The following CROCC2 variants were observed in gnomAD, a reference collection of about 807,000 sequenced individuals.
The protein encoded by CROCC2 is ciliary rootlet coiled-coil, rootletin family member 2, also known as ciliary rootlet coiled-coil protein 2.
In CROCC2, 163 loss-of-function variants were observed where a neutral mutation model predicts 177.6. That is an observed-to-expected ratio of 0.92 (90% CI 0.81 to 1.05). The LOEUF is 1.05. Ranked by LOEUF, CROCC2 falls within the 50% of genes least tolerant of loss-of-function variation. The pLI, the probability that CROCC2 is intolerant of heterozygous loss-of-function variation, is 0.00. For missense variants in CROCC2, 1,929 were observed against 1,797.8 expected (o/e 1.07, Z -1.32); for synonymous variants, 904 against 787.3 (o/e 1.15, Z -2.48).
chr2:240,914,783 C>T (rs574304444), intron 1 of CROCC2, among the ~76,000 whole-genome samples: 2 of 152,272 alleles, frequency 1.3e-5, no homozygotes, highest in East Asian at 1.9e-4. Flanking sequence ...GACGGGACGA[C>T]GGGGTGGTGG....
At chr2:240,947,520 G>A (rs1387143301) in intron 15 of CROCC2, among the ~76,000 whole-genome samples, 1 of 152,250 alleles carries the variant, frequency 6.6e-6, no homozygotes, top group Non-Finnish European at 1.5e-5. Context: ...TGGTGACAGA[G>A]GGGCTTGACC....
chr2:240,956,399 C>T (rs2059590569), intron 19 of CROCC2: 1 of 178,562 alleles, frequency 5.6e-6, no homozygotes, highest in South Asian at 1.5e-4. Context: ...GAGAAACAAC[C>T]CGAGGCGGCT....
chr2:240,986,264 G>A (rs1039421618), intron 28 of CROCC2, among the ~76,000 whole-genome samples: 1 of 152,162 alleles, frequency 6.6e-6, no homozygotes, highest in Non-Finnish European at 1.5e-5. Flanking sequence ...CAGAGTCCCC[G>A]CGGAAGCTGT....
chr2:240,962,431 G>A (rs1420069297), intron 20 of CROCC2, among the ~76,000 whole-genome samples: 5 of 152,098 alleles, frequency 3.3e-5, no homozygotes, highest in African/African-American at 1.2e-4. Flanking sequence ...TTCTGGGCGG[G>A]TTTCTGCTGA....
intron 4 of CROCC2, among the ~76,000 whole-genome samples, chr2:240,924,426 A>G (rs1228373785): frequency 6.0e-3 from 6 of 996 alleles, no homozygotes; most frequent in South Asian, 0.056. Context: ...ACACTAACCC[A>G]GCCCCCACAC....
intron 28 of CROCC2, chr2:240,985,758 CACACACACCCAGGCACTCAG>C: frequency 1.2e-5 from 4 of 321,602 alleles, no homozygotes; most frequent in South Asian, 6.9e-5. Flanking sequence ...GCACTCACTC[CACACACACCCAGGCACTCAG>C]CACACACCCA....
rs2059824422 is a variant in CROCC2 at position 240,984,620 on chromosome 2, T to TCCA, written c.4551+1593_4551+1595dup. On this transcript the variant is annotated intron_variant, in intron 28 of 31. Transcript: ENST00000690015. ...ACTCCACACACACCCAGGCACTCAC[T>TCCA]CCACACACACACCCAGGCACTCACT... is the stretch of plus-strand genomic sequence containing the variant. Among the ~76,000 whole-genome samples, 6 of 72,620 alleles carry TCCA rather than the reference T, an allele frequency of 8.3e-5. No homozygotes were observed. In the South Asian group the frequency reaches 3.1e-3, roughly 38 times the overall value. The allele number at this position is 72,620 out of a possible 152,430, so 47.6% of individuals were successfully genotyped here. A position where few individuals can be genotyped will look rare whatever the true frequency, so the allele number is the denominator to read the frequency against.
chr2:240,981,060 TG>T (rs2059794882), intron 27 of CROCC2, among the ~76,000 whole-genome samples: 1 of 115,280 alleles, frequency 8.7e-6, no homozygotes, highest in African/African-American at 3.9e-5. Context: ...GCTCAGTCTC[TG>T]GGTCAGGAGC....
rs1203366379 is a variant in CROCC2 at position 240,972,141 on chromosome 2, C to G, written c.4401+3879C>G. Among the ~76,000 whole-genome samples, 1 of 152,176 alleles carries G rather than the reference C, an allele frequency of 6.6e-6. No homozygotes were observed. Among genetic ancestry groups the G allele is most frequent in the Non-Finnish European group, 1.5e-5 (1 of 68,040 alleles). On this transcript the variant is annotated intron_variant, in intron 27 of 31. Transcript: ENST00000690015. This position sits in a 1 kb window ranked among gnomAD's most constrained non-coding sequence, Gnocchi z 7.1. ...TTTGTGATTTTTTTCCTTTGCGTGTCTTTAAAGAAAGGAGTTCTGGCCTCG... is the reference window on the plus strand; with the variant it reads ...TTTGTGATTTTTTTCCTTTGCGTGTGTTTAAAGAAAGGAGTTCTGGCCTCG...
chr2:240,935,317 A>G, intron 13 of CROCC2, 41 bp from the exon 14 acceptor site: 1 of 1,328,100 alleles, frequency 7.5e-7, no homozygotes. Context: ...GGGACCGAGG[A>G]TGGGGGGAGT....
rs1235512420 is a variant in CROCC2, at chr2:240,963,554, A to T, written c.3088-2A>T. 5.2e-6 allele frequency: 8 copies of T among 1,539,178 alleles called. No individual in the cohort carries two copies. The East Asian group carries it at 2.0e-4, about 38-fold the overall frequency. On this transcript the variant is annotated splice_acceptor_variant, in intron 20 of 31. Transcript: ENST00000690015. LOFTEE classifies it high-confidence loss of function. ...CCTCTAGAGCTGAATGGTCCTCCCCAGGCTGAGAGGCTGCGGGCACAGCTG... is the reference window on the plus strand; with the variant it reads ...CCTCTAGAGCTGAATGGTCCTCCCCTGGCTGAGAGGCTGCGGGCACAGCTG...
chr2:240,961,581 TACAC>T (rs746070346), intron 20 of CROCC2, among the ~76,000 whole-genome samples: 4 of 82,618 alleles, frequency 4.8e-5, no homozygotes, highest in South Asian at 3.6e-4. Context: ...TCATCACACA[TACAC>T]TCACACACAC....
intron 1 of CROCC2, among the ~76,000 whole-genome samples, chr2:240,910,207 C>T (rs948463959): frequency 3.9e-5 from 6 of 152,060 alleles, no homozygotes; most frequent in African/African-American, 1.2e-4. Flanking sequence ...TGAAATTGCC[C>T]GTGAAGTGGG....
intron 28 of CROCC2, chr2:240,983,564 G>C: frequency 7.8e-7 from 1 of 1,277,134 alleles, no homozygotes; most frequent in South Asian, 1.2e-5. Flanking sequence ...GGCGCTGCGC[G>C]CTCAGCTCGC....
intron 14 of CROCC2, among the ~76,000 whole-genome samples, chr2:240,945,068 C>G (rs2059515214): frequency 6.6e-6 from 1 of 152,168 alleles, no homozygotes; most frequent in Non-Finnish European, 1.5e-5. Flanking sequence ...TCCTGAATAG[C>G]TGGGATTACA....
At chr2:240,922,726 G>A in intron 4 of CROCC2, 81 bp downstream of exon 4, 1 of 494,852 alleles carries the variant, frequency 2.0e-6, no homozygotes. Context: ...CTGTGCCTTG[G>A]GGCTACTGAC....
intron 15 of CROCC2, among the ~76,000 whole-genome samples, chr2:240,947,926 G>A (rs2059533161): frequency 6.6e-6 from 1 of 152,076 alleles, no homozygotes; most frequent in African/African-American, 2.4e-5. Context: ...GTTTCTCCTG[G>A]GCCCCCAAGG....
intron 28 of CROCC2, chr2:240,985,978 C>T (rs1248324403): frequency 2.2e-6 from 1 of 456,408 alleles, no homozygotes. Context: ...TGTTCATCCT[C>T]CTCTCCTTGA....
intron 28 of CROCC2, among the ~76,000 whole-genome samples, chr2:240,984,392 G>T (rs1026777473): frequency 1.3e-5 from 2 of 151,970 alleles, no homozygotes; most frequent in African/African-American, 4.8e-5. Context: ...AGAGGAAATG[G>T]CATTCCAGGA....
Sources: gnomAD v4.1 joint callset for allele counts (sites outside exome capture counted in the v4.1 genomes callset) on GRCh38, gnomAD v4.1.1 for gene constraint, Gnocchi (gnomAD v3.1) non-coding constraint, MANE v1.5 for transcripts, NCBI Gene and HGNC (gene_info 2026-07-23, HGNC 2026-07-21) for gene names.